Variants in GPATCH2L observed in about 807,000 individuals in gnomAD.
The protein encoded by GPATCH2L is G-patch domain containing 2 like, also known as G patch domain-containing protein 2-like.
A neutral mutation model predicts 57.4 loss-of-function variants in GPATCH2L; 31 were observed. The observed-to-expected ratio is 0.54, with a 90% confidence interval of 0.41 to 0.73. The LOEUF (loss-of-function observed/expected upper bound fraction) is 0.73. GPATCH2L is among the 30% of genes least tolerant of loss of function. GPATCH2L has a pLI of 0.00. For missense variants in GPATCH2L, 481 were observed against 599.9 expected, an observed-to-expected ratio of 0.80 and a Z score of 2.07; for synonymous variants, 199 against 210.7, an observed-to-expected ratio of 0.94 and a Z score of 0.48.
At chr14:76,196,437 GTTTT>G in intron 9 of GPATCH2L, 3 of 128,878 alleles carry the variant, frequency 2.3e-5, no homozygotes, top group East Asian at 2.2e-4. Flanking sequence ...AAACTTTTCA[GTTTT>G]TTTTTTTTTT....
Position 76,195,868 on chromosome 14 carries a change from A to G in GPATCH2L, c.1194-10A>G. ...AGTTCAAACCATTTTTCTTCTTCTT[A>G]CATCTGCAGACAGGCAAATGTACAC... is the stretch of plus-strand genomic sequence containing the variant. On this transcript the variant is annotated splice_polypyrimidine_tract_variant and intron_variant, in intron 8 of 9. Transcript: ENST00000261530. 6.2e-7 allele frequency: 1 copy of G among 1,603,534 alleles called. No individual in the cohort carries two copies. Among genetic ancestry groups the G allele is most frequent in the Non-Finnish European group, 8.5e-7 (1 of 1,170,570 alleles).
chr14:76,233,085 G>A (rs1458601698), intron 2 of GPATCH2L, among the ~76,000 whole-genome samples: 1 of 152,208 alleles, frequency 6.6e-6, no homozygotes, highest in African/African-American at 2.4e-5. Context: ...GGGTAAGGCG[G>A]ATTCTTTACT....
rs2040320469 is a variant in GPATCH2L, at chr14:76,202,059, G to A, written c.*208G>A. Reference sequence around the variant, plus strand: ...TTTTAAATAGTGAAATATTGAGGCAGCAATTTTTTACAAAAAGGTCATCCT... The same window carrying A: ...TTTTAAATAGTGAAATATTGAGGCAACAATTTTTTACAAAAAGGTCATCCT... On this transcript the variant is annotated 3_prime_UTR_variant, in exon 10 of 10. Transcript: ENST00000261530. The A allele has an allele frequency of 4.6e-6, 2 of 433,488 alleles. No individual in the cohort carries two copies. The highest frequency in any genetic ancestry group is 2.0e-5 in the African/African-American group (1 of 48,848). The allele number at this position is 433,488 out of a possible 1,614,324, so 26.9% of individuals were successfully genotyped here. A position where few individuals can be genotyped will look rare whatever the true frequency, so the allele number is the denominator to read the frequency against.
chr14:76,222,332 C>G (rs1171226206), intron 1 of GPATCH2L, among the ~76,000 whole-genome samples: 1 of 152,224 alleles, frequency 6.6e-6, no homozygotes, highest in Non-Finnish European at 1.5e-5. Context: ...GAAGGCTGGG[C>G]ATGGTGGCTC....
At chr14:76,182,864 T>C (rs2039628381) in intron 8 of GPATCH2L, among the ~76,000 whole-genome samples, 1 of 152,142 alleles carries the variant, frequency 6.6e-6, no homozygotes, top group South Asian at 2.1e-4. Context: ...GGAGATCTTT[T>C]TAGAGGTGGT....
chr14:76,209,371 T>A lies in GPATCH2L; in HGVS notation c.*7520T>A, dbSNP rs1272023444. 6.6e-6 allele frequency: 1 copy of A among 152,262 alleles called. No homozygotes were observed. Among genetic ancestry groups the A allele is most frequent in the Middle Eastern group, 3.2e-3 (1 of 316 alleles). The allele number at this position is 152,262 out of a possible 1,614,324, so 9.4% of individuals were successfully genotyped here. A position where few individuals can be genotyped will look rare whatever the true frequency, so the allele number is the denominator to read the frequency against. On this transcript the variant is annotated 3_prime_UTR_variant, in exon 10 of 10. Coordinates refer to ENST00000261530, the MANE Select transcript of GPATCH2L (RefSeq NM_017926.4). ...ATTCACATTTATTACTGCAGGCTTCTAGGAAAGCATATTAAAGGTCTCTGG... is the reference window on the plus strand; with the variant it reads ...ATTCACATTTATTACTGCAGGCTTCAAGGAAAGCATATTAAAGGTCTCTGG...
rs886157320 is a variant in GPATCH2L, at chr14:76,200,712, T to C, written c.1289-979T>C. Among the ~76,000 whole-genome samples, 26 of 152,324 alleles carry C rather than the reference T, an allele frequency of 1.7e-4. 1 individual carries two copies. Among genetic ancestry groups the C allele is most frequent in the Admixed American group, 1.5e-3 (23 of 15,296 alleles). ...AAATCTTGGGTACATGCCGATACTT[T>C]CTATTTTTTTCATTGAGTAAAAAAA... On this transcript the variant is annotated intron_variant, in intron 9 of 9. Coordinates refer to ENST00000261530, the MANE Select transcript of GPATCH2L (RefSeq NM_017926.4).
intron 2 of GPATCH2L, among the ~76,000 whole-genome samples, chr14:76,233,529 C>T (rs1466191427): frequency 6.6e-6 from 1 of 152,128 alleles, no homozygotes; most frequent in East Asian, 1.9e-4. Flanking sequence ...CATCCCAGCC[C>T]CACAACCGTC....
chr14:76,173,731 A>G (rs2039193760), intron 5 of GPATCH2L, 106 bp downstream of exon 5: 2 of 756,846 alleles, frequency 2.6e-6, no homozygotes, highest in Non-Finnish European at 2.4e-6. Flanking sequence ...CCTGAAGTTA[A>G]TGGAGCCAAC....
At chr14:76,181,473 A>G (rs1186007432) in intron 8 of GPATCH2L, among the ~76,000 whole-genome samples, 1 of 152,064 alleles carries the variant, frequency 6.6e-6, no homozygotes, top group Non-Finnish European at 1.5e-5. Flanking sequence ...CACAGTCTGA[A>G]TTGGATTTGC....
At chr14:76,169,365 A>G (rs911715592) in intron 3 of GPATCH2L, among the ~76,000 whole-genome samples, 5 of 152,210 alleles carry the variant, frequency 3.3e-5, no homozygotes, top group Non-Finnish European at 5.9e-5. Flanking sequence ...TGTTTAATAA[A>G]TAATTATTTA....
At chr14:76,169,821 T>C (rs1489541697) in intron 3 of GPATCH2L, among the ~76,000 whole-genome samples, 1 of 152,260 alleles carries the variant, frequency 6.6e-6, no homozygotes, top group Non-Finnish European at 1.5e-5. Flanking sequence ...CTAGTTATTA[T>C]ACACTAATGC....
At chr14:76,194,013 A>G (rs2040067806) in intron 8 of GPATCH2L, among the ~76,000 whole-genome samples, 1 of 152,118 alleles carries the variant, frequency 6.6e-6, no homozygotes, top group African/African-American at 2.4e-5. Flanking sequence ...TTTGAGGAGA[A>G]ACACAATTTT....
intron 2 of GPATCH2L, among the ~76,000 whole-genome samples, chr14:76,165,821 T>C (rs1050044178): frequency 6.6e-6 from 1 of 152,228 alleles, no homozygotes; most frequent in African/African-American, 2.4e-5. Context: ...TTCTACAGCA[T>C]GGTGAAAATG....
At chr14:76,216,590 T>C (rs760540594), downstream of GPATCH2L, among the ~76,000 whole-genome samples, 6 of 151,812 alleles carry the variant, frequency 4.0e-5, no homozygotes, top group Non-Finnish European at 8.8e-5. Flanking sequence ...ACAAATTTAA[T>C]AAGTAGTTTA....
chr14:76,212,581 A>G lies in GPATCH2L; in HGVS notation c.*10730A>G, dbSNP rs2040454107. 1 of 152,216 alleles carries G rather than the reference A, an allele frequency of 6.6e-6. No homozygotes were observed. Among genetic ancestry groups the G allele is most frequent in the Admixed American group, 6.5e-5 (1 of 15,274 alleles). The allele number at this position is 152,216 out of a possible 1,614,324, so 9.4% of individuals were successfully genotyped here. A position where few individuals can be genotyped will look rare whatever the true frequency, so the allele number is the denominator to read the frequency against. On this transcript the variant is annotated 3_prime_UTR_variant, in exon 10 of 10. Coordinates refer to ENST00000261530, the MANE Select transcript of GPATCH2L (RefSeq NM_017926.4). ...TATTTTAATTCAATTCTGTCAATTC[A>G]TGACAGATCAAGTGGATAAAAAACT... is the stretch of plus-strand genomic sequence containing the variant.
intron 1 of GPATCH2L, among the ~76,000 whole-genome samples, chr14:76,220,485 T>C (rs1178282943): frequency 6.6e-6 from 1 of 152,136 alleles, no homozygotes; most frequent in African/African-American, 2.4e-5. Flanking sequence ...ACTAATAATA[T>C]AGCTTCAAAA....
rs559838033 is a variant in GPATCH2L at position 76,160,144 on chromosome 14, A to T, written c.662+5119A>T. Among the ~76,000 whole-genome samples the T allele has an allele frequency of 9.2e-5, 14 of 151,518 alleles. 1 individual carries two copies. The South Asian group carries it at 2.9e-3, about 32-fold the overall frequency. On this transcript the variant is annotated intron_variant, in intron 2 of 9. Transcript: ENST00000261530. ...GGGCGACAGAGCGAGACTCTGTCTCAAAAAAAAAGAAAAAAGAAACTGAAT... is the reference window on the plus strand; with the variant it reads ...GGGCGACAGAGCGAGACTCTGTCTCTAAAAAAAAGAAAAAAGAAACTGAAT...
intron 2 of GPATCH2L, among the ~76,000 whole-genome samples, chr14:76,164,540 C>T (rs1334090366): frequency 6.6e-6 from 1 of 151,992 alleles, no homozygotes; most frequent in Non-Finnish European, 1.5e-5. Context: ...TCTGCTTTTA[C>T]CAGTAAGTAT....
Sources: allele counts gnomAD v4.1 joint callset (sites outside exome capture counted in the v4.1 genomes callset), GRCh38; gene constraint gnomAD v4.1.1; transcripts MANE v1.5; gene names NCBI Gene and HGNC (gene_info 2026-07-23, HGNC 2026-07-21).